Variants in RALYL observed in about 807,000 individuals in gnomAD.
The protein encoded by RALYL is RALY RNA binding protein like.
Under a neutral mutation model 35.1 loss-of-function variants are expected in RALYL, and 29 were observed. That is an observed-to-expected ratio of 0.83 (90% CI 0.61 to 1.13). The LOEUF (loss-of-function observed/expected upper bound fraction) is 1.13, where lower values mean the gene tolerates loss of function less well. Among genes scored for constraint, RALYL ranks in the 50% most tolerant of loss-of-function variants. The pLI is 0.00. For synonymous variants in RALYL, 120 were observed against 127.6 expected (o/e 0.94, Z 0.40); for missense variants, 359 against 360.4 (o/e 1.00, Z 0.03).
intron 8 of RALYL, among the ~76,000 whole-genome samples, chr8:84,896,937 A>G (rs1238794989): frequency 6.6e-6 from 1 of 152,196 alleles, no homozygotes; most frequent in Non-Finnish European, 1.5e-5. Flanking sequence ...GATAAATAGT[A>G]AATGATTTTC....
At chr8:84,838,792 C>T (rs1435539015) in intron 4 of RALYL, among the ~76,000 whole-genome samples, 1 of 152,156 alleles carries the variant, frequency 6.6e-6, no homozygotes, top group African/African-American at 2.4e-5. Context: ...TCCCAGAAGG[C>T]TTTTAAATTA....
intron 1 of RALYL, among the ~76,000 whole-genome samples, chr8:84,385,863 T>A (rs1299162317): frequency 1.3e-5 from 2 of 151,828 alleles, no homozygotes; most frequent in Non-Finnish European, 2.9e-5. Context: ...GTTGCCAAGG[T>A]TCACCATGCT....
intron 2 of RALYL, among the ~76,000 whole-genome samples, chr8:84,532,536 G>A (rs2059341685): frequency 6.6e-6 from 1 of 151,852 alleles, no homozygotes; most frequent in Non-Finnish European, 1.5e-5. Flanking sequence ...GAAATAATAG[G>A]CTATTATTAT....
intron 1 of RALYL, among the ~76,000 whole-genome samples, chr8:84,272,381 AC>A (rs2131961188): frequency 6.6e-6 from 1 of 152,294 alleles, no homozygotes; most frequent in African/African-American, 2.4e-5. Context: ...GGCGTAAGCC[AC>A]CGCACCTGGC....
intron 1 of RALYL, among the ~76,000 whole-genome samples, chr8:84,349,606 T>C (rs2131039908): frequency 6.6e-6 from 1 of 150,492 alleles, no homozygotes; most frequent in South Asian, 2.1e-4. Context: ...CACCTACCCT[T>C]ATATTCAGTC....
intron 1 of RALYL, among the ~76,000 whole-genome samples, chr8:84,260,438 TCTC>T (rs1406152352): frequency 1.3e-5 from 2 of 151,928 alleles, no homozygotes; most frequent in Non-Finnish European, 2.9e-5. Context: ...GCCCCTTAGT[TCTC>T]CTCTATGTGG....
At position 84,222,821 on chromosome 8, in the gene RALYL, G is replaced by A. The variant is rs73297885; in HGVS notation, c.-24+38397G>A. Among the ~76,000 whole-genome samples, 306 of 152,180 alleles carry A rather than the reference G, an allele frequency of 2.0e-3. 2 individuals are homozygous for A. Among genetic ancestry groups the A allele is most frequent in the African/African-American group, 6.8e-3 (283 of 41,540 alleles). ...GGGGGAAAAATGCTATAAGAAGATC[G>A]AGTCTTTGGTTATGAGATGAGAGTG... On this transcript the variant is annotated intron_variant, in intron 1 of 8. Coordinates refer to ENST00000521268, the MANE Select transcript of RALYL (RefSeq NM_173848.7).
In RALYL at chr8:84,466,875, G is replaced by C. The variant is rs567508043; in HGVS notation, c.-23-62424G>C. Among the ~76,000 whole-genome samples the C allele has an allele frequency of 2.6e-3, 392 of 151,280 alleles. 1 individual carries two copies. Among genetic ancestry groups the C allele is most frequent in the African/African-American group, 8.9e-3 (370 of 41,428 alleles). ...TTCTTCCTGGTTTAGTCTTGGGAGA[G>C]TGTATGTGTCGAGGAATTTATCCAT... is the stretch of plus-strand genomic sequence containing the variant. On this transcript the variant is annotated intron_variant, in intron 1 of 8. Coordinates refer to ENST00000521268, the MANE Select transcript of RALYL (RefSeq NM_173848.7).
rs1226413783 is a variant in RALYL at position 84,862,361 on chromosome 8, G to C, written c.479G>C (p.Arg160Thr). The change falls in exon 6 of 9, where the codon AGA (arginine) becomes ACA (threonine). Residue 160 changes from arginine to threonine, a missense_variant. Arg to Thr is a moderately conservative substitution (Grantham distance 71). Coordinates refer to ENST00000521268, the MANE Select transcript of RALYL (RefSeq NM_173848.7). ...PRAVIPLKRP[R>T]VAVTTTRRGK... ...GCAGTAATTCCGCTGAAGCGTCCCA[G>C]AGTGGCAGTCACAACGACTCGCAGG... The C allele has an allele frequency of 6.2e-7, 1 of 1,607,224 alleles. No individual in the cohort carries two copies. The highest frequency in any genetic ancestry group is 1.3e-5 in the African/African-American group (1 of 74,544).
At chr8:84,825,976 A>C (rs1051818038) in intron 4 of RALYL, among the ~76,000 whole-genome samples, 7 of 152,182 alleles carry the variant, frequency 4.6e-5, no homozygotes, top group Non-Finnish European at 2.9e-5. Flanking sequence ...ACAGACATGA[A>C]AAATAATAAA....
At chr8:84,771,950 A>G (rs185171966) in intron 2 of RALYL, among the ~76,000 whole-genome samples, 23 of 152,176 alleles carry the variant, frequency 1.5e-4, no homozygotes, top group African/African-American at 4.8e-4. Context: ...GCTCAAAAAG[A>G]TATTCTATTT....
chr8:84,713,039 CT>C (rs1445658457), intron 2 of RALYL, among the ~76,000 whole-genome samples: 1 of 152,060 alleles, frequency 6.6e-6, no homozygotes, highest in Admixed American at 6.6e-5. Context: ...TTGGCTCAAA[CT>C]AATGTCAAGA....
At chr8:84,678,060 A>C (rs1275683651) in intron 2 of RALYL, among the ~76,000 whole-genome samples, 1 of 152,176 alleles carries the variant, frequency 6.6e-6, no homozygotes, top group African/African-American at 2.4e-5. Context: ...CAATTGAAAA[A>C]AAATCCTTAG....
rs765581194 is a variant in RALYL, at chr8:84,862,441, A to T, written c.559A>T (p.Thr187Ser). The stretch of plus-strand genomic sequence containing the variant: ...ATCGAGATCTACTGCCAGTGGGTCA[A>T]CAGGTTCTAAATGTAAGTAATGTCC... ...GGSRSTASGS[T>S]GSKLKSDELQ... Residue 187 changes from threonine to serine, a missense_variant, in exon 6 of 9, where the codon ACA becomes TCA. Transcript: ENST00000521268. 6.3e-7 allele frequency: 1 copy of T among 1,599,052 alleles called. No homozygotes were observed. Among genetic ancestry groups the T allele is most frequent in the Admixed American group, 1.8e-5 (1 of 57,072 alleles).
intron 2 of RALYL, among the ~76,000 whole-genome samples, chr8:84,560,249 A>G (rs2061393042): frequency 6.6e-6 from 1 of 152,002 alleles, no homozygotes; most frequent in Non-Finnish European, 1.5e-5. Flanking sequence ...GAAGGGTAAT[A>G]TACCTTAAAT....
At chr8:84,310,622 G>C (rs1237862425) in intron 1 of RALYL, among the ~76,000 whole-genome samples, 2 of 152,090 alleles carry the variant, frequency 1.3e-5, no homozygotes, top group Non-Finnish European at 2.9e-5. Flanking sequence ...CACAAATTAT[G>C]TTCAATCATA....
intron 1 of RALYL, among the ~76,000 whole-genome samples, chr8:84,302,241 A>G (rs1363156143): frequency 6.6e-6 from 1 of 152,160 alleles, no homozygotes; most frequent in Non-Finnish European, 1.5e-5. Flanking sequence ...AGAGAGCTTC[A>G]CATCATATCT....
chr8:84,564,686 G>A (rs1166965129), intron 2 of RALYL, among the ~76,000 whole-genome samples: 1 of 151,528 alleles, frequency 6.6e-6, no homozygotes, highest in African/African-American at 2.4e-5. Context: ...CAGACATAAA[G>A]GCTTCTAAAA....
chr8:84,563,629 T>C (rs2061599202), intron 2 of RALYL, among the ~76,000 whole-genome samples: 2 of 151,744 alleles, frequency 1.3e-5, no homozygotes, highest in Admixed American at 1.3e-4. Context: ...CTTTTCTTTG[T>C]TGTTTTTATG....
Sources: gnomAD v4.1 joint callset for allele counts (sites outside exome capture counted in the v4.1 genomes callset) on GRCh38, gnomAD v4.1.1 for gene constraint, MANE v1.5 for transcripts, NCBI Gene and HGNC (gene_info 2026-07-23, HGNC 2026-07-21) for gene names.